MID2: variants seen among roughly 807,000 people sequenced by gnomAD.
MID2 encodes the protein midline 2.
A neutral mutation model predicts 46.1 loss-of-function variants in MID2; 13 were observed. That is an observed-to-expected ratio of 0.28 (90% CI 0.18 to 0.45). The LOEUF is 0.45. Among genes scored for constraint, MID2 ranks in the 20% least tolerant of loss-of-function variants. MID2 has a pLI of 1.00. For missense variants in MID2, 431 were observed against 575.4 expected, an observed-to-expected ratio of 0.75 and a Z score of 2.57; for synonymous variants, 199 against 212.3, an observed-to-expected ratio of 0.94 and a Z score of 0.55.
chrX:107,877,974 G>A (rs981283717), intron 3 of MID2, among the ~76,000 whole-genome samples: 14 of 107,777 alleles, frequency 1.3e-4, no homozygotes, highest in African/African-American at 4.8e-4. Flanking sequence ...CCAGAGTGCC[G>A]AGGTAGGAAA....
chrX:107,873,788 G>A (rs149882308), intron 3 of MID2, among the ~76,000 whole-genome samples: 263 of 111,205 alleles, frequency 2.4e-3, no homozygotes, highest in African/African-American at 8.2e-3. Context: ...CACTTCACAT[G>A]TGAGAAAAAC....
chrX:107,847,449 G>A (rs1931514182), intron 2 of MID2, among the ~76,000 whole-genome samples: 1 of 111,549 alleles, frequency 9.0e-6, no homozygotes, highest in Non-Finnish European at 1.9e-5. Context: ...GGACCAAACC[G>A]GAGAGAGTCC....
intron 6 of MID2, among the ~76,000 whole-genome samples, chrX:107,916,615 G>A (rs1932975188): frequency 9.0e-6 from 1 of 111,725 alleles, no homozygotes; most frequent in South Asian, 3.8e-4. Flanking sequence ...AAAAATGCTG[G>A]CTACTTTCAG....
chrX:107,868,107 G>A (rs1210465450), intron 3 of MID2, among the ~76,000 whole-genome samples: 1 of 111,660 alleles, frequency 9.0e-6, no homozygotes, highest in East Asian at 2.8e-4. Flanking sequence ...TAAAATGGGT[G>A]AATTTTGTGG....
intron 3 of MID2, among the ~76,000 whole-genome samples, chrX:107,876,692 C>T (rs1932207175): frequency 1.0e-5 from 1 of 97,088 alleles, no homozygotes; most frequent in Non-Finnish European, 2.4e-5. Context: ...CTGTCAGCTG[C>T]AGAATGGCGT....
intron 2 of MID2, among the ~76,000 whole-genome samples, chrX:107,845,854 A>T (rs778665248): frequency 5.1e-4 from 57 of 111,240 alleles, no homozygotes; most frequent in Non-Finnish European, 1.0e-3. Flanking sequence ...TAATGGGCAT[A>T]TGACTTTCTC....
At chrX:107,894,513 T>C (rs1932675132) in intron 3 of MID2, 1 of 112,253 alleles carries the variant, frequency 8.9e-6, no homozygotes, top group African/African-American at 3.2e-5. Context: ...CAGATAAAAC[T>C]ATTTTGAGTG....
intron 6 of MID2, among the ~76,000 whole-genome samples, chrX:107,916,986 C>T (rs1421607467): frequency 8.9e-6 from 1 of 111,754 alleles, no homozygotes; most frequent in African/African-American, 3.3e-5. Flanking sequence ...ACTAAAAATA[C>T]AAAAATTAGC....
intron 3 of MID2, among the ~76,000 whole-genome samples, chrX:107,888,974 G>T (rs376374641): frequency 2.7e-5 from 3 of 111,001 alleles, no homozygotes; most frequent in East Asian, 2.8e-4. Context: ...ATTTGCTTGG[G>T]AGATCTTCCT....
chrX:107,910,847 T>C (rs1247402517), intron 5 of MID2, among the ~76,000 whole-genome samples: 1 of 4,123 alleles, frequency 2.4e-4, no homozygotes, highest in Non-Finnish European at 4.6e-4. Flanking sequence ...CCCTCTCTCT[T>C]TCTCCCTCTC....
At chrX:107,925,950 A>G in intron 8 of MID2, 144 bp from the exon 9 acceptor site, 1 of 411,421 alleles carries the variant, frequency 2.4e-6, no homozygotes, top group Non-Finnish European at 4.1e-6. Context: ...TCTTAATAAA[A>G]TTTAAACAGC....
intron 2 of MID2, among the ~76,000 whole-genome samples, chrX:107,844,253 T>G (rs978503115): frequency 8.9e-6 from 1 of 111,765 alleles, no homozygotes; most frequent in African/African-American, 3.2e-5. Flanking sequence ...CTTGGGGTAC[T>G]TAGTTTAGTT....
chrX:107,926,787 A>G lies in MID2; in HGVS notation c.1922A>G (p.Lys641Arg). 8.3e-7 allele frequency: 1 copy of G among 1,211,592 alleles called. No individual in the cohort carries two copies. Among genetic ancestry groups the G allele is most frequent in the South Asian group, 1.8e-5 (1 of 56,969 alleles). ...NSNFVVRHNN[K>R]EMLVDVPPHL... is the part of the protein sequence containing the mutation. The stretch of plus-strand genomic sequence containing the variant: ...AACTTCGTGGTGAGACACAACAACA[A>G]GGAAATGCTGGTGGATGTGCCCCCA... The change falls in exon 10 of 10, where the codon AAG (lysine) becomes AGG (arginine). Residue 641 changes from lysine to arginine, a missense_variant. Coordinates refer to ENST00000262843, the MANE Select transcript of MID2 (RefSeq NM_012216.4).
rs1435156178 is a variant in MID2 at position 107,924,435 on chromosome X, A to G, written c.1528A>G (p.Ile510Val). 7 of 1,211,643 alleles carry G rather than the reference A, an allele frequency of 5.8e-6. No individual in the cohort carries two copies. Among genetic ancestry groups the G allele is most frequent in the Admixed American group, 2.2e-5 (1 of 46,034 alleles). ...VHGLQSGTRY[I>V]FIVKAINQAG... ...TGGACTCCAGAGCGGGACTCGCTACATCTTCATCGTTAAAGCCATAAACCA... is the reference window on the plus strand; with the variant it reads ...TGGACTCCAGAGCGGGACTCGCTACGTCTTCATCGTTAAAGCCATAAACCA... The change falls in exon 8 of 10, where the codon ATC becomes GTC. Residue 510 changes from isoleucine to valine, a missense_variant. By Grantham distance (29) the Ile-to-Val change is conservative. Coordinates refer to ENST00000262843, the MANE Select transcript of MID2 (RefSeq NM_012216.4).
At chrX:107,925,993 T>C in intron 8 of MID2, 101 bp from the exon 9 acceptor site, 2 of 595,758 alleles carry the variant, frequency 3.4e-6, no homozygotes, top group Non-Finnish European at 5.4e-6. Context: ...AGTGATCATG[T>C]TATCGAGCAT....
chrX:107,842,798 T>G (rs1931377735), intron 2 of MID2, among the ~76,000 whole-genome samples: 3 of 112,250 alleles, frequency 2.7e-5, no homozygotes, highest in Admixed American at 9.5e-5. Flanking sequence ...CTTAGACTCA[T>G]AAGATATTAG....
chrX:107,845,523 A>ACTCTCTCTCTCTCTCTCTCTCTCTCT (rs1193188324), intron 2 of MID2, among the ~76,000 whole-genome samples: 1 of 85,954 alleles, frequency 1.2e-5, no homozygotes, highest in African/African-American at 7.2e-5. Context: ...ACACACACAC[A>ACTCTCTCTCTCTCTCTCTCTCTCTCT]CACTCTCTCT....
At chrX:107,912,363 G>A (rs1932906319) in intron 5 of MID2, among the ~76,000 whole-genome samples, 1 of 111,737 alleles carries the variant, frequency 8.9e-6, no homozygotes, top group African/African-American at 3.3e-5. Context: ...GAAATGTTTT[G>A]TCCCACTACC....
chrX:107,833,852 G>C (rs1389264645), intron 1 of MID2, among the ~76,000 whole-genome samples: 1 of 111,156 alleles, frequency 9.0e-6, no homozygotes, highest in Non-Finnish European at 1.9e-5. Flanking sequence ...GGAATACAGT[G>C]GCACAATTAC....
Sources: allele counts gnomAD v4.1 joint callset (sites outside exome capture counted in the v4.1 genomes callset), GRCh38; gene constraint gnomAD v4.1.1; transcripts MANE v1.5; gene names NCBI Gene and HGNC (gene_info 2026-07-23, HGNC 2026-07-21).